NATD1: variants seen among roughly 807,000 people sequenced by gnomAD.
The protein encoded by NATD1 is protein NATD1.
NATD1 carries 9 observed loss-of-function variants against 12.0 expected under a neutral mutation model. That is an observed-to-expected ratio of 0.75 (90% CI 0.45 to 1.30). The LOEUF (loss-of-function observed/expected upper bound fraction) is 1.30, where lower values mean the gene tolerates loss of function less well. Among genes scored for constraint, NATD1 ranks in the 50% most tolerant of loss-of-function variants. The probability of loss-of-function intolerance (pLI) is 0.00; values close to 1 mark genes in which losing one functional copy is unlikely to be tolerated. For synonymous variants in NATD1, 71 were observed against 65.9 expected (o/e 1.08, Z -0.37); for missense variants, 148 against 148.5 (o/e 1.00, Z 0.02).
chr17:21,253,308 C>T lies in NATD1; in HGVS notation c.-44G>A. 1 of 888,828 alleles carries T rather than the reference C, an allele frequency of 1.1e-6. No homozygotes were observed. Among genetic ancestry groups the T allele is most frequent in the Non-Finnish European group, 1.3e-6 (1 of 743,186 alleles). The allele number at this position is 888,828 out of a possible 1,614,324, so 55.1% of individuals were successfully genotyped here. On this transcript the variant is annotated 5_prime_UTR_variant, in exon 1 of 3. Transcript: ENST00000611551. The stretch of plus-strand genomic sequence containing the variant: ...CGCGGCGCCGGCGGGGGCCGGGGCG[C>T]GCGGGGAAAGGTCAGGCGCGCGGCG...
chr17:21,244,125 AT>A lies in NATD1; in HGVS notation c.205del (p.Ile69SerfsTer18). On this transcript the variant is annotated frameshift_variant, in exon 2 of 3. Transcript: ENST00000611551. LOFTEE classifies it high-confidence loss of function. The surrounding 1 kb of genome is among the most constrained non-coding windows in gnomAD (Gnocchi z 5.2). ...EVPDAYRGRGIAKHLAKAALD... is the reference protein window; with the variant it reads ...EVPDAYRGRGXAKHLAKAALD... ...CCCTACCTTGGCAAGGTGCTTGGCGATGCCACGCCCACGGTAGGCATCTGGG... is the reference window on the plus strand; with the variant it reads ...CCCTACCTTGGCAAGGTGCTTGGCGAGCCACGCCCACGGTAGGCATCTGGG... The A allele has an allele frequency of 6.2e-7, 1 of 1,612,504 alleles. No homozygotes were observed. The highest frequency in any genetic ancestry group is 8.5e-7 in the Non-Finnish European group (1 of 1,179,590).
At position 21,240,507 on chromosome 17, in the gene NATD1, G is replaced by A. The variant is rs1275384371; in HGVS notation, c.*2806C>T. On this transcript the variant is annotated 3_prime_UTR_variant, in exon 3 of 3. Coordinates refer to ENST00000611551, the MANE Select transcript of NATD1 (RefSeq NM_152914.3). ...AAATGTTCCTCTGAGACCTGTTGAT[G>A]AGCTTGGAGAATGAGGAAGGGGACG... 2 of 152,750 alleles carry A rather than the reference G, an allele frequency of 1.3e-5. No individual in the cohort carries two copies. The highest frequency in any genetic ancestry group is 3.4e-3 in the Middle Eastern group (1 of 294). 9.5% of individuals were successfully genotyped at this position (152,750 alleles called of 1,614,324 possible).
Position 21,253,196 on chromosome 17 carries a change from G to GTGCTCCACGCGGATGGGGCAGCCC in NATD1, c.45_68dup (p.Gln15_Glu22dup). On this transcript the variant is annotated inframe_insertion, in exon 1 of 3. Transcript: ENST00000611551. ...CAGTGAACTGGCGGCGCCGGCGGTC[G>GTGCTCCACGCGGATGGGGCAGCCC]TGCTCCACGCGGATGGGGCAGCCCT... is the stretch of plus-strand genomic sequence containing the variant. The GTGCTCCACGCGGATGGGGCAGCCC allele has an allele frequency of 9.8e-7, 1 of 1,015,796 alleles. No homozygotes were observed. Among genetic ancestry groups the GTGCTCCACGCGGATGGGGCAGCCC allele is most frequent in the Non-Finnish European group, 1.2e-6 (1 of 851,356 alleles). 62.9% of individuals were successfully genotyped at this position (1,015,796 alleles called of 1,614,324 possible). A position where few individuals can be genotyped will look rare whatever the true frequency, so the allele number is the denominator to read the frequency against.
Position 21,244,016 on chromosome 17 carries a change from AGTG to A in NATD1, c.225+87_225+89del. On this transcript the variant is annotated intron_variant, in intron 2 of 2. Coordinates refer to ENST00000611551, the MANE Select transcript of NATD1 (RefSeq NM_152914.3). The surrounding 1 kb of genome is among the most constrained non-coding windows in gnomAD (Gnocchi z 5.2). ...GACCCAGGGCCAAGAAGCAGGCTGA[AGTG>A]GCCACCAGGGCCACCGTCTCCTCGG... The A allele has an allele frequency of 8.5e-7, 1 of 1,175,800 alleles. No homozygotes were observed. 72.8% of individuals were successfully genotyped at this position (1,175,800 alleles called of 1,614,324 possible). A position where few individuals can be genotyped will look rare whatever the true frequency, so the allele number is the denominator to read the frequency against.
Position 21,243,274 on chromosome 17 carries a change from AAG to A in NATD1, c.*37_*38del. 1 of 1,559,422 alleles carries A rather than the reference AAG, an allele frequency of 6.4e-7. No homozygotes were observed. The highest frequency in any genetic ancestry group is 8.8e-7 in the Non-Finnish European group (1 of 1,141,118). Reference sequence around the variant, plus strand: ...GTGGGGCCAGGCAAAGGCCACGTGGAAGAGTCCGGCAGGGAGCGCTCCCGCCT... The same window carrying A: ...GTGGGGCCAGGCAAAGGCCACGTGGAAGTCCGGCAGGGAGCGCTCCCGCCT... On this transcript the variant is annotated 3_prime_UTR_variant, in exon 3 of 3. Transcript: ENST00000611551.
At position 21,244,060 on chromosome 17, in the gene NATD1, C is replaced by A; in HGVS notation, c.225+46G>T. ...GTCTCCTCGGAGCGAAGGTGGCAGCCCCCATGTCCCCGTCCCCGCTTGGCC... is the reference window on the plus strand; with the variant it reads ...GTCTCCTCGGAGCGAAGGTGGCAGCACCCATGTCCCCGTCCCCGCTTGGCC... On this transcript the variant is annotated intron_variant, in intron 2 of 2. Transcript: ENST00000611551. The surrounding 1 kb of genome is among the most constrained non-coding windows in gnomAD (Gnocchi z 5.2). 6.5e-7 allele frequency: 1 copy of A among 1,534,922 alleles called. No individual in the cohort carries two copies. Among genetic ancestry groups the A allele is most frequent in the South Asian group, 1.2e-5 (1 of 83,686 alleles).
chr17:21,249,109 A>G (rs926501504), intron 1 of NATD1, among the ~76,000 whole-genome samples: 3 of 152,114 alleles, frequency 2.0e-5, no homozygotes, highest in African/African-American at 7.2e-5. Context: ...GCTTGCAGAC[A>G]GGGGACAGGG....
rs1349515466 is a variant in NATD1, at chr17:21,241,162, G to C, written c.*2151C>G. The C allele has an allele frequency of 2.6e-5, 4 of 152,478 alleles. No individual in the cohort carries two copies. The highest frequency in any genetic ancestry group is 5.9e-5 in the Non-Finnish European group (4 of 68,218). 9.4% of individuals were successfully genotyped at this position (152,478 alleles called of 1,614,324 possible). A position where few individuals can be genotyped will look rare whatever the true frequency, so the allele number is the denominator to read the frequency against. ...AATCTTAGGTGGGAGTGGGAACAGA[G>C]TGGCACCAGGCCCATTCCCTCCTGG... On this transcript the variant is annotated 3_prime_UTR_variant, in exon 3 of 3. Coordinates refer to ENST00000611551, the MANE Select transcript of NATD1 (RefSeq NM_152914.3).
rs1975277134 is a variant in NATD1 at position 21,241,882 on chromosome 17, G to A, written c.*1431C>T. 1 of 152,928 alleles carries A rather than the reference G, an allele frequency of 6.5e-6. No individual in the cohort carries two copies. The highest frequency in any genetic ancestry group is 6.5e-5 in the Admixed American group (1 of 15,280). The allele number at this position is 152,928 out of a possible 1,614,324, so 9.5% of individuals were successfully genotyped here. ...GTGCCAAGACTGGGGATAGCAAGGA[G>A]GTGAGTGGGAAATGCAACCACAGGC... On this transcript the variant is annotated 3_prime_UTR_variant, in exon 3 of 3. Coordinates refer to ENST00000611551, the MANE Select transcript of NATD1 (RefSeq NM_152914.3).
In NATD1 at chr17:21,244,063, C is replaced by T. The variant is rs756229964; in HGVS notation, c.225+43G>A. On this transcript the variant is annotated intron_variant, in intron 2 of 2. Coordinates refer to ENST00000611551, the MANE Select transcript of NATD1 (RefSeq NM_152914.3). The surrounding 1 kb of genome is among the most constrained non-coding windows in gnomAD (Gnocchi z 5.2). The stretch of plus-strand genomic sequence containing the variant: ...TCCTCGGAGCGAAGGTGGCAGCCCC[C>T]ATGTCCCCGTCCCCGCTTGGCCCTG... 2 of 1,549,768 alleles carry T rather than the reference C, an allele frequency of 1.3e-6. No individual in the cohort carries two copies. Among genetic ancestry groups the T allele is most frequent in the Non-Finnish European group, 1.8e-6 (2 of 1,135,642 alleles).
Position 21,240,655 on chromosome 17 carries a change from T to C in NATD1, c.*2658A>G, listed in dbSNP as rs117925037. On this transcript the variant is annotated 3_prime_UTR_variant, in exon 3 of 3. Coordinates refer to ENST00000611551, the MANE Select transcript of NATD1 (RefSeq NM_152914.3). ...AGGGTGAGGCGGGCAGAAAAGCAGC[T>C]CTGTGGGAGACCTGCAGGCCCCTGA... The C allele has an allele frequency of 0.022, 3,330 of 152,578 alleles. 45 individuals are homozygous for C. Among genetic ancestry groups the C allele is most frequent in the Middle Eastern group, 0.034 (10 of 296 alleles). 9.5% of individuals were successfully genotyped at this position (152,578 alleles called of 1,614,324 possible).
rs1050248100 is a variant in NATD1, at chr17:21,242,530, G to A, written c.*783C>T. ...GCCTGCAGCTGCTCAGGCCCCCTTG[G>A]ATCTCCTCCTGGCAGACAGGGGTAT... On this transcript the variant is annotated 3_prime_UTR_variant, in exon 3 of 3. Transcript: ENST00000611551. 1.3e-5 allele frequency: 2 copies of A among 152,230 alleles called. No individual in the cohort carries two copies. Among genetic ancestry groups the A allele is most frequent in the African/African-American group, 4.8e-5 (2 of 41,442 alleles). The allele number at this position is 152,230 out of a possible 1,614,324, so 9.4% of individuals were successfully genotyped here.
chr17:21,247,514 T>G (rs1975336458), intron 1 of NATD1, among the ~76,000 whole-genome samples: 1 of 152,148 alleles, frequency 6.6e-6, no homozygotes, highest in Non-Finnish European at 1.5e-5. Context: ...CACAGCCCCA[T>G]GTACAGATGG....
rs1975244343 is a variant in NATD1 at position 21,239,419 on chromosome 17, C to CTG, written c.*3893_*3894insCA. 1 of 72,540 alleles carries CTG rather than the reference C, an allele frequency of 1.4e-5. No individual in the cohort carries two copies. Among genetic ancestry groups the CTG allele is most frequent in the South Asian group, 5.9e-4 (1 of 1,692 alleles). 4.5% of individuals were successfully genotyped at this position (72,540 alleles called of 1,614,324 possible). ...TGTGGCTTTGGCTTGTGACCCCCGA[C>CTG]TCAGCCTCAGTATCATCTATCAAAT... On this transcript the variant is annotated 3_prime_UTR_variant, in exon 3 of 3. Transcript: ENST00000611551.
At chr17:21,245,220 C>T (rs958678895) in intron 1 of NATD1, among the ~76,000 whole-genome samples, 1 of 151,894 alleles carries the variant, frequency 6.6e-6, no homozygotes, top group African/African-American at 2.4e-5. Context: ...GAATGAGGGG[C>T]CGCTGGAGTG....
intron 1 of NATD1, among the ~76,000 whole-genome samples, chr17:21,247,253 T>A (rs1319456554): frequency 6.6e-6 from 1 of 152,184 alleles, no homozygotes; most frequent in Non-Finnish European, 1.5e-5. Flanking sequence ...GAAATGTTTG[T>A]CCAACTAAAA....
At chr17:21,247,958 C>G (rs1433930670) in intron 1 of NATD1, among the ~76,000 whole-genome samples, 1 of 152,042 alleles carries the variant, frequency 6.6e-6, no homozygotes, top group African/African-American at 2.4e-5. Context: ...GAATGAGAGT[C>G]ACGGAGGTGT....
At chr17:21,250,423 T>G (rs1206152853) in intron 1 of NATD1, among the ~76,000 whole-genome samples, 1 of 152,176 alleles carries the variant, frequency 6.6e-6, no homozygotes, top group African/African-American at 2.4e-5. Flanking sequence ...CCTGCACCTC[T>G]CATGAAAGCC....
chr17:21,252,142 C>T (rs1001148862), intron 1 of NATD1, among the ~76,000 whole-genome samples: 1 of 152,124 alleles, frequency 6.6e-6, no homozygotes, highest in Non-Finnish European at 1.5e-5. Flanking sequence ...GAAAGCCTGT[C>T]TCTAATACAA....
Sources: allele counts gnomAD v4.1 joint callset (sites outside exome capture counted in the v4.1 genomes callset), GRCh38; gene constraint gnomAD v4.1.1; non-coding constraint Gnocchi (gnomAD v3.1); transcripts MANE v1.5; gene names NCBI Gene and HGNC (gene_info 2026-07-23, HGNC 2026-07-21).